Variants in ZBTB17 observed in about 807,000 individuals in gnomAD.
The protein encoded by ZBTB17 is zinc finger and BTB domain-containing protein 17.
ZBTB17 carries 24 observed loss-of-function variants against 85.1 expected under a neutral mutation model. That is an observed-to-expected ratio of 0.28 (90% confidence interval 0.20 to 0.40). The LOEUF (loss-of-function observed/expected upper bound fraction) is 0.40. ZBTB17 is among the 10% of genes least tolerant of loss of function. ZBTB17 has a pLI of 1.00. For synonymous variants in ZBTB17, 464 were observed against 460.2 expected (o/e 1.01, Z -0.11); for missense variants, 743 against 1,105.1 (o/e 0.67, Z 4.65).
At position 15,941,999 on chromosome 1, in the gene ZBTB17, T is replaced by C. The variant is rs2071376430; in HGVS notation, c.2382A>G (p.Thr794=). The C allele has an allele frequency of 6.2e-7, 1 of 1,603,250 alleles. No individual in the cohort carries two copies. The highest frequency in any genetic ancestry group is 1.1e-5 in the South Asian group (1 of 90,976). ...CGGCAGGCGGGGGACATTCAGGAGC[T>C]GTAGGGGAGGTCTCTGCCAGTGCGG... ...GQPALAETSP[T]APECPPPAE Residue 794 remains threonine (T), a synonymous_variant, in exon 16 of 16, where the codon ACA becomes ACG. Coordinates refer to ENST00000375743, the MANE Select transcript of ZBTB17 (RefSeq NM_003443.3).
chr1:15,944,928 C>T lies in ZBTB17; in HGVS notation c.927+9G>A, dbSNP rs1447650237. On this transcript the variant is annotated intron_variant, in intron 7 of 15. Coordinates refer to ENST00000375743, the MANE Select transcript of ZBTB17 (RefSeq NM_003443.3). Reference sequence around the variant, plus strand: ...GCTGGCTGGGAGGGCTGGCCATAGTCTCCCTCACCTCGCACTTGTGGATGA... The same window carrying T: ...GCTGGCTGGGAGGGCTGGCCATAGTTTCCCTCACCTCGCACTTGTGGATGA... 1.9e-6 allele frequency: 3 copies of T among 1,568,730 alleles called. No homozygotes were observed. The highest frequency in any genetic ancestry group is 2.6e-6 in the Non-Finnish European group (3 of 1,158,950).
rs1484531508 is a variant in ZBTB17 at position 15,953,931 on chromosome 1, G to A, written c.-2-5434C>T. Among the ~76,000 whole-genome samples, 6 of 152,162 alleles carry A rather than the reference G, an allele frequency of 3.9e-5. No homozygotes were observed. The highest frequency in any genetic ancestry group is 1.4e-4 in the African/African-American group (6 of 41,426). Reference sequence around the variant, plus strand: ...TGCAGATGATAGTTTCATTTTTTTAGGCCAAAGTCTTTATCAGATGGTTTC... The same window carrying A: ...TGCAGATGATAGTTTCATTTTTTTAAGCCAAAGTCTTTATCAGATGGTTTC... On this transcript the variant is annotated intron_variant, in intron 2 of 15. Coordinates refer to ENST00000375743, the MANE Select transcript of ZBTB17 (RefSeq NM_003443.3). This position sits in a 1 kb window ranked among gnomAD's most constrained non-coding sequence, Gnocchi z 5.1.
chr1:15,944,678 G>C lies in ZBTB17; in HGVS notation c.1070+19C>G. 6.2e-7 allele frequency: 1 copy of C among 1,604,722 alleles called. No individual in the cohort carries two copies. Among genetic ancestry groups the C allele is most frequent in the Non-Finnish European group, 8.5e-7 (1 of 1,179,746 alleles). On this transcript the variant is annotated intron_variant, in intron 8 of 15. Coordinates refer to ENST00000375743, the MANE Select transcript of ZBTB17 (RefSeq NM_003443.3). ...GGGCCTGGCAGGGGCCGGGGTAGGA[G>C]GCCGGCTTGGGGCAGTACCTGTGCG...
In ZBTB17 at chr1:15,966,531, T is replaced by A. The variant is rs1309911405; in HGVS notation, c.-3+6508A>T. On this transcript the variant is annotated intron_variant, in intron 2 of 15. Coordinates refer to ENST00000375743, the MANE Select transcript of ZBTB17 (RefSeq NM_003443.3). The surrounding 1 kb of genome is among the most constrained non-coding windows in gnomAD (Gnocchi z 4.1). ...TCTCAGTTCTAACCATGCCCTTTGC[T>A]TCCTTCCTTTGAAGCCCAGCCCTAC... 6.6e-6 allele frequency among the ~76,000 whole-genome samples: 1 copy of A among 152,198 alleles called. No individual in the cohort carries two copies. The highest frequency in any genetic ancestry group is 2.4e-5 in the African/African-American group (1 of 41,448).
chr1:15,959,325 C>A (rs2072163518), intron 2 of ZBTB17, among the ~76,000 whole-genome samples: 1 of 152,098 alleles, frequency 6.6e-6, no homozygotes, highest in Non-Finnish European at 1.5e-5. Context: ...AGGGTATACA[C>A]AAAACTGGTA....
intron 2 of ZBTB17, among the ~76,000 whole-genome samples, chr1:15,956,991 C>T (rs1250113960): frequency 4.6e-5 from 7 of 151,748 alleles, no homozygotes; most frequent in Non-Finnish European, 1.0e-4. Flanking sequence ...CCAGCCTGGC[C>T]GACATAGTGA....
rs2071428156 is a variant in ZBTB17, at chr1:15,943,045, G to A, written c.1828+19C>T. 7 of 1,613,784 alleles carry A rather than the reference G, an allele frequency of 4.3e-6. No individual in the cohort carries two copies. Among genetic ancestry groups the A allele is most frequent in the Non-Finnish European group, 5.9e-6 (7 of 1,179,810 alleles). On this transcript the variant is annotated intron_variant, in intron 13 of 15. Coordinates refer to ENST00000375743, the MANE Select transcript of ZBTB17 (RefSeq NM_003443.3). ...GCAGGGCCTGGGAAGGAACAGGCATGGTAGGGGCCACAGCTCACCAGTGTG... is the reference window on the plus strand; with the variant it reads ...GCAGGGCCTGGGAAGGAACAGGCATAGTAGGGGCCACAGCTCACCAGTGTG...
Position 15,957,695 on chromosome 1 carries a change from T to A in ZBTB17, c.-2-9198A>T, listed in dbSNP as rs371354799. On this transcript the variant is annotated intron_variant, in intron 2 of 15. Coordinates refer to ENST00000375743, the MANE Select transcript of ZBTB17 (RefSeq NM_003443.3). ...TACTACAGTAGAGAAGAGACAGCAG[T>A]GGCCTCACCAAGGAGGTAGAAAACA... Among the ~76,000 whole-genome samples, 9 of 152,178 alleles carry A rather than the reference T, an allele frequency of 5.9e-5. No homozygotes were observed. In the East Asian group the frequency reaches 1.4e-3, roughly 23 times the overall value.
intron 1 of ZBTB17, among the ~76,000 whole-genome samples, chr1:15,975,651 G>A (rs932643901): frequency 2.6e-5 from 4 of 151,984 alleles, no homozygotes; most frequent in African/African-American, 9.7e-5. Context: ...ACCCTCGACA[G>A]CGCGCGGGGT....
rs200365911 is a variant in ZBTB17 at position 15,942,587 on chromosome 1, A to G, written c.1980T>C (p.Asp660=). ...EGSEVSVVTV[D]DMVTLATEAL... is the part of the protein sequence containing the mutation. ...CCTCGGTAGCCAGCGTGACCATGTC[A>G]TCCACAGTGACCACGCTGACCTCAC... Residue 660 remains aspartate, a synonymous_variant, in exon 14 of 16, where the codon GAT becomes GAC. Transcript: ENST00000375743. 44 of 1,612,998 alleles carry G rather than the reference A, an allele frequency of 2.7e-5. No homozygotes were observed. Among genetic ancestry groups the G allele is most frequent in the Non-Finnish European group, 3.4e-5 (40 of 1,180,026 alleles).
chr1:15,956,938 T>C (rs576668693), intron 2 of ZBTB17, among the ~76,000 whole-genome samples: 39 of 152,132 alleles, frequency 2.6e-4, no homozygotes, highest in Admixed American at 1.5e-3. Context: ...CCCAGCACTT[T>C]GGGACGCTGA....
intron 11 of ZBTB17, 32 bp downstream of exon 11, chr1:15,943,567 C>T (rs1463980141): frequency 6.2e-7 from 1 of 1,612,680 alleles, no homozygotes; most frequent in African/African-American, 1.3e-5. Context: ...TCCGTGCCCT[C>T]CCAGTCCTGG....
At chr1:15,974,597 C>G (rs989827307) in intron 1 of ZBTB17, among the ~76,000 whole-genome samples, 3 of 151,030 alleles carry the variant, frequency 2.0e-5, no homozygotes, top group East Asian at 1.9e-4. Context: ...TTTTTTGAGA[C>G]GGAATCTCGC....
chr1:15,966,829 G>A lies in ZBTB17; in HGVS notation c.-3+6210C>T, dbSNP rs991750225. On this transcript the variant is annotated intron_variant, in intron 2 of 15. Coordinates refer to ENST00000375743, the MANE Select transcript of ZBTB17 (RefSeq NM_003443.3). This position sits in a 1 kb window ranked among gnomAD's most constrained non-coding sequence, Gnocchi z 4.1. ...AGGCTGAGGTGGGAGGATCGCTTGA[G>A]CCCTGGAGGTCGAGGCTGCAGTGAG... Among the ~76,000 whole-genome samples the A allele has an allele frequency of 2.0e-5, 3 of 152,084 alleles. No homozygotes were observed. In the South Asian group the frequency reaches 6.2e-4, roughly 32 times the overall value.
At position 15,952,136 on chromosome 1, in the gene ZBTB17, G is replaced by C. The variant is rs1029825475; in HGVS notation, c.-2-3639C>G. Reference sequence around the variant, plus strand: ...ACCATAGAAAATGCCAACAGAACGAGACCACAGAGCCCAGCAGCCCAGAGT... The same window carrying C: ...ACCATAGAAAATGCCAACAGAACGACACCACAGAGCCCAGCAGCCCAGAGT... On this transcript the variant is annotated intron_variant, in intron 2 of 15. Coordinates refer to ENST00000375743, the MANE Select transcript of ZBTB17 (RefSeq NM_003443.3). This position sits in a 1 kb window ranked among gnomAD's most constrained non-coding sequence, Gnocchi z 4.3. 6.6e-6 allele frequency among the ~76,000 whole-genome samples: 1 copy of C among 152,214 alleles called. No individual in the cohort carries two copies. Among genetic ancestry groups the C allele is most frequent in the Admixed American group, 6.5e-5 (1 of 15,282 alleles).
intron 13 of ZBTB17, 161 bp downstream of exon 13, chr1:15,942,903 T>A (rs1018997187): frequency 2.2e-6 from 3 of 1,343,792 alleles, no homozygotes; most frequent in Non-Finnish European, 3.0e-6. Context: ...CTGGAAGCTC[T>A]AGGAAAATGG....
rs1425977095 is a variant in ZBTB17, at chr1:15,942,519, C to T, written c.2038+10G>A. 1 of 1,610,314 alleles carries T rather than the reference C, an allele frequency of 6.2e-7. No individual in the cohort carries two copies. Among genetic ancestry groups the T allele is most frequent in the Non-Finnish European group, 8.5e-7 (1 of 1,179,882 alleles). On this transcript the variant is annotated intron_variant, in intron 14 of 15. Coordinates refer to ENST00000375743, the MANE Select transcript of ZBTB17 (RefSeq NM_003443.3). ...GCCTGTGACTTCCCTCTGCTGCCCA[C>T]AGCCCGCACCTGTGAGCTGAGTGAC... is the stretch of plus-strand genomic sequence containing the variant.
Position 15,952,768 on chromosome 1 carries a change from AG to A in ZBTB17, c.-2-4272del. On this transcript the variant is annotated intron_variant, in intron 2 of 15. Coordinates refer to ENST00000375743, the MANE Select transcript of ZBTB17 (RefSeq NM_003443.3). This position sits in a 1 kb window ranked among gnomAD's most constrained non-coding sequence, Gnocchi z 4.3. ...GGAGAAGAGCAGAGAGGCCACTGAC[AG>A]CACCAATGCTCTGTGGCGAGGGACA... 1 of 152,504 alleles carries A rather than the reference AG, an allele frequency of 6.6e-6. No individual in the cohort carries two copies. Among genetic ancestry groups the A allele is most frequent in the Non-Finnish European group, 1.5e-5 (1 of 68,202 alleles). 9.4% of individuals were successfully genotyped at this position (152,504 alleles called of 1,614,324 possible).
intron 14 of ZBTB17, 31 bp from the exon 15 acceptor site, chr1:15,942,451 A>C: frequency 1.2e-6 from 2 of 1,612,116 alleles, no homozygotes; most frequent in African/African-American, 2.7e-5. Context: ...CCTAAGGTGA[A>C]GGCACGGGCA....
Sources: gnomAD v4.1 joint callset for allele counts (sites outside exome capture counted in the v4.1 genomes callset) on GRCh38, gnomAD v4.1.1 for gene constraint, Gnocchi (gnomAD v3.1) non-coding constraint, MANE v1.5 for transcripts, NCBI Gene and HGNC (gene_info 2026-07-23, HGNC 2026-07-21) for gene names.